PACS2: variants seen among roughly 807,000 people sequenced by gnomAD.
PACS2 encodes the protein phosphofurin acidic cluster sorting protein 2, also known as PACS1-like protein.
PACS2 carries 36 observed loss-of-function variants against 113.0 expected under a neutral mutation model. That is an observed-to-expected ratio of 0.32 (90% CI 0.24 to 0.42). The LOEUF (loss-of-function observed/expected upper bound fraction) is 0.42. PACS2 is among the 10% of genes least tolerant of loss of function. The pLI is 1.00. For missense variants in PACS2, 1,015 were observed against 1,239.5 expected (o/e 0.82, Z 2.72); for synonymous variants, 589 against 536.1 (o/e 1.10, Z -1.36).
rs587607059 is a variant in PACS2 at position 105,391,984 on chromosome 14, G to T, written c.2255+218G>T. The T allele has an allele frequency of 2.5e-4, 143 of 565,204 alleles. 3 individuals carry two copies. The South Asian group carries it at 3.1e-3, about 12-fold the overall frequency. The allele number at this position is 565,204 out of a possible 1,614,324, so 35.0% of individuals were successfully genotyped here. Reference sequence around the variant, plus strand: ...GGACCTCTGGGGGACAGAAACTCCTGCACAGTGAATAAACATGGGCGTTGT... The same window carrying T: ...GGACCTCTGGGGGACAGAAACTCCTTCACAGTGAATAAACATGGGCGTTGT... On this transcript the variant is annotated intron_variant, in intron 22 of 24. Transcript: ENST00000447393.
Position 105,314,965 on chromosome 14 carries a change from T to TTTGTTC in PACS2, c.47_48insTTGTTC (p.Leu16_Asn17insCysSer). ...GGCCTCCCCGGCGCGCCCGGCGCGC[T>TTTGTTC]CAACACGCCCGTGCCCATGAACCTG... On this transcript the variant is annotated inframe_insertion, in exon 1 of 25. Transcript: ENST00000447393. The TTTGTTC allele has an allele frequency of 8.3e-7, 1 of 1,203,962 alleles. No homozygotes were observed. The highest frequency in any genetic ancestry group is 1.6e-5 in the African/African-American group (1 of 60,832). 74.6% of individuals were successfully genotyped at this position (1,203,962 alleles called of 1,614,324 possible).
chr14:105,367,982 A>G (rs587724696), intron 5 of PACS2, 92 bp from the exon 6 acceptor site: 2 of 818,518 alleles, frequency 2.4e-6, no homozygotes, highest in East Asian at 2.5e-5. Context: ...CGCTGCCCCC[A>G]CTCTGTGTCC....
In PACS2 at chr14:105,357,680, G is replaced by C. The variant is rs191576167; in HGVS notation, c.423+2503G>C. 6.6e-6 allele frequency among the ~76,000 whole-genome samples: 1 copy of C among 152,190 alleles called. No homozygotes were observed. The highest frequency in any genetic ancestry group is 1.5e-5 in the Non-Finnish European group (1 of 68,034). Reference sequence around the variant, plus strand: ...GAGATTGCGGAGGCGGGACAGCCCCGAGGGCACAGACGGACACAGGTGGCA... The same window carrying C: ...GAGATTGCGGAGGCGGGACAGCCCCCAGGGCACAGACGGACACAGGTGGCA... On this transcript the variant is annotated intron_variant, in intron 4 of 24. Transcript: ENST00000447393. This position sits in a 1 kb window ranked among gnomAD's most constrained non-coding sequence, Gnocchi z 5.1.
At chr14:105,385,037 A>C in intron 18 of PACS2, 50 bp downstream of exon 18, 1 of 1,180,400 alleles carries the variant, frequency 8.5e-7, no homozygotes, top group Non-Finnish European at 1.2e-6. Flanking sequence ...CCAGCCACCA[A>C]CCCTCCGTGG....
At position 105,330,827 on chromosome 14, in the gene PACS2, G is replaced by A. The variant is rs1454337744; in HGVS notation, c.119+15790G>A. 6.6e-6 allele frequency among the ~76,000 whole-genome samples: 1 copy of A among 152,178 alleles called. No individual in the cohort carries two copies. Among genetic ancestry groups the A allele is most frequent in the Non-Finnish European group, 1.5e-5 (1 of 68,028 alleles). ...TCAAATCCTGCTTTTTGCCTTAAGT[G>A]CGTTCCCAATTCCATCTCTGTGCCA... is the stretch of plus-strand genomic sequence containing the variant. On this transcript the variant is annotated intron_variant, in intron 1 of 24. Transcript: ENST00000447393. The surrounding 1 kb of genome is among the most constrained non-coding windows in gnomAD (Gnocchi z 6.9).
intron 1 of PACS2, among the ~76,000 whole-genome samples, chr14:105,302,188 C>G (rs1443229341): frequency 6.6e-6 from 1 of 151,210 alleles, no homozygotes; most frequent in Non-Finnish European, 1.5e-5. Flanking sequence ...AAGACCCCAC[C>G]CTCTTTTTTT....
rs2080786497 is a variant in PACS2, at chr14:105,376,583, C to CG, written c.802-180dup. Among the ~76,000 whole-genome samples, 1 of 152,100 alleles carries CG rather than the reference C, an allele frequency of 6.6e-6. No individual in the cohort carries two copies. Among genetic ancestry groups the CG allele is most frequent in the Admixed American group, 6.5e-5 (1 of 15,278 alleles). ...GCCACACGCACCGGTACCTGGGGAC[C>CG]GGGGGTCCTCGGTGATCATCCCGAG... On this transcript the variant is annotated intron_variant, in intron 8 of 24. Coordinates refer to ENST00000447393, the MANE Select transcript of PACS2 (RefSeq NM_001100913.3). The surrounding 1 kb of genome is among the most constrained non-coding windows in gnomAD (Gnocchi z 4.7).
At chr14:105,362,281 G>A (rs587686053) in intron 4 of PACS2, among the ~76,000 whole-genome samples, 37 of 151,520 alleles carry the variant, frequency 2.4e-4, no homozygotes, top group South Asian at 4.2e-4. Flanking sequence ...AGCTGGGCGT[G>A]GTGGCGGGCG....
At chr14:105,363,507 C>G (rs909754193) in intron 4 of PACS2, among the ~76,000 whole-genome samples, 1 of 152,236 alleles carries the variant, frequency 6.6e-6, no homozygotes, top group African/African-American at 2.4e-5. Context: ...CTCCAAACTT[C>G]TTCTGCAGCC....
At chr14:105,386,343 C>G (rs782764654) in intron 19 of PACS2, among the ~76,000 whole-genome samples, 1 of 152,192 alleles carries the variant, frequency 6.6e-6, no homozygotes, top group Non-Finnish European at 1.5e-5. Flanking sequence ...TCCCAGGGCT[C>G]CCTCGAGCAC....
intron 8 of PACS2, among the ~76,000 whole-genome samples, chr14:105,373,963 C>T (rs1478008595): frequency 6.6e-6 from 1 of 151,908 alleles, no homozygotes; most frequent in Non-Finnish European, 1.5e-5. Context: ...ACCAGCCTGG[C>T]TAACATAGTG....
chr14:105,300,795 G>A (rs1380644404), exon 1 of PACS2: 1 of 344,886 alleles, frequency 2.9e-6, no homozygotes, highest in Non-Finnish European at 4.4e-6. Flanking sequence ...GCGCGCGCCC[G>A]GGCCGCGCCG....
At position 105,376,916 on chromosome 14, in the gene PACS2, C is replaced by T. The variant is rs782449700; in HGVS notation, c.950C>T (p.Pro317Leu). 3.7e-6 allele frequency: 6 copies of T among 1,608,452 alleles called. No individual in the cohort carries two copies. Among genetic ancestry groups the T allele is most frequent in the African/African-American group, 1.3e-5 (1 of 74,956 alleles). The change falls in exon 9 of 25, where the codon CCG (proline) becomes CTG (leucine). Residue 317 changes from proline (P) to leucine (L), a missense_variant. Pro to Leu is a moderately conservative substitution (Grantham distance 98). This residue lies in a region of PACS2 where 859 missense variants were observed against 1,056.8 expected (regional missense o/e 0.81). Coordinates refer to ENST00000447393, the MANE Select transcript of PACS2 (RefSeq NM_001100913.3). The surrounding 1 kb of genome is among the most constrained non-coding windows in gnomAD (Gnocchi z 4.7). ...GACAGCGTCCTCAGCACCCCCAAGC[C>T]GAAGCTGCGGTGAGCCCTACAGGGC... is the stretch of plus-strand genomic sequence containing the variant. Reference protein sequence around the residue: ...DDDSVLSTPKPKLRPYFEGLS... With the variant: ...DDDSVLSTPKLKLRPYFEGLS...
chr14:105,379,991 C>T (rs1191305609), intron 10 of PACS2, 89 bp from the exon 11 acceptor site: 3 of 1,374,676 alleles, frequency 2.2e-6, no homozygotes, highest in Non-Finnish European at 3.0e-6. Flanking sequence ...TACCCCGGGC[C>T]TCCCTGAGTC....
At chr14:105,372,364 G>A (rs1200445700) in intron 8 of PACS2, 3 of 152,230 alleles carry the variant, frequency 2.0e-5, no homozygotes, top group South Asian at 4.1e-4. Context: ...ATATCTTTTC[G>A]CAAAAAAACT....
chr14:105,314,621 G>A (rs1263792845), upstream of PACS2: 2 of 144,316 alleles, frequency 1.4e-5, no homozygotes, highest in African/African-American at 2.5e-5. Flanking sequence ...ACCCGAGGCG[G>A]CGAGCTGGCG....
chr14:105,392,624 G>T lies in PACS2; in HGVS notation c.2261G>T (p.Gly754Val), dbSNP rs201037630. 4.9e-5 allele frequency: 78 copies of T among 1,605,024 alleles called. No individual in the cohort carries two copies. In the East Asian group the frequency reaches 1.7e-3, roughly 34 times the overall value. Residue 754 changes from glycine to valine, a missense_variant, in exon 23 of 25, where the codon GGT (glycine) becomes GTT (valine). This residue lies in a region of PACS2 where 859 missense variants were observed against 1,056.8 expected (regional missense o/e 0.81). Transcript: ENST00000447393. ...VSGGLSSPSQ[G>V]VGAELMGLQV... is the part of the protein sequence containing the mutation. Reference sequence around the variant, plus strand: ...CCTCCCTCTGCCTTTCCCAGCCAGGGTGTCGGCGCCGAGCTGATGGGGCTG... The same window carrying T: ...CCTCCCTCTGCCTTTCCCAGCCAGGTTGTCGGCGCCGAGCTGATGGGGCTG...
At chr14:105,341,537 G>A (rs925544426) in intron 1 of PACS2, among the ~76,000 whole-genome samples, 1 of 152,196 alleles carries the variant, frequency 6.6e-6, no homozygotes, top group Non-Finnish European at 1.5e-5. Flanking sequence ...GTCTTCTGTA[G>A]GTTTTCTGGT....
chr14:105,385,318 C>T (rs2081137595), intron 18 of PACS2, among the ~76,000 whole-genome samples: 1 of 152,256 alleles, frequency 6.6e-6, no homozygotes, highest in Non-Finnish European at 1.5e-5. Context: ...GTTCCTTCCA[C>T]AGCCTGGGTT....
Sources: gnomAD v4.1 joint callset for allele counts (sites outside exome capture counted in the v4.1 genomes callset) on GRCh38, gnomAD v4.1.1 for gene constraint, gnomAD v4.1.1 regional missense constraint, Gnocchi (gnomAD v3.1) non-coding constraint, MANE v1.5 for transcripts, NCBI Gene and HGNC (gene_info 2026-07-23, HGNC 2026-07-21) for gene names.